Variants in GABBR2 observed in about 807,000 individuals in gnomAD.
GABBR2 encodes gamma-aminobutyric acid type B receptor subunit 2.
In GABBR2, 23 loss-of-function variants were observed where a neutral mutation model predicts 105.6. That is an observed-to-expected ratio of 0.22 (90% CI 0.16 to 0.31). The LOEUF is 0.31. Ranked by LOEUF, GABBR2 falls within the 10% of genes least tolerant of loss-of-function variation. GABBR2 has a pLI of 1.00. For missense variants in GABBR2, 734 were observed against 1,245.5 expected (o/e 0.59, Z 6.18); for synonymous variants, 478 against 499.7 (o/e 0.96, Z 0.58).
chr9:98,686,008 G>T (rs1378064151), intron 1 of GABBR2, among the ~76,000 whole-genome samples: 1 of 152,074 alleles, frequency 6.6e-6, no homozygotes, highest in African/African-American at 2.4e-5. Context: ...CTTTAGTCAG[G>T]CTCCTCTGAT....
At chr9:98,633,324 A>G (rs972141138) in intron 1 of GABBR2, among the ~76,000 whole-genome samples, 1 of 152,172 alleles carries the variant, frequency 6.6e-6, no homozygotes, top group East Asian at 1.9e-4. Context: ...AAAAAACTAT[A>G]AAGAATAAGA....
At chr9:98,513,858 A>G (rs188587629) in intron 3 of GABBR2, among the ~76,000 whole-genome samples, 1 of 152,216 alleles carries the variant, frequency 6.6e-6, no homozygotes, top group Non-Finnish European at 1.5e-5. Flanking sequence ...GCGATTCCTC[A>G]GGGATCTAGA....
intron 8 of GABBR2, among the ~76,000 whole-genome samples, chr9:98,400,902 G>T (rs139016724): frequency 5.5e-5 from 8 of 145,680 alleles, no homozygotes; most frequent in African/African-American, 1.4e-4. Context: ...AATAAAGGAG[G>T]GAAATAAGGG....
In GABBR2 at chr9:98,454,958, C is replaced by T. The variant is rs1482555300; in HGVS notation, c.1000-741G>A. On this transcript the variant is annotated intron_variant, in intron 6 of 18. Coordinates refer to ENST00000259455, the MANE Select transcript of GABBR2 (RefSeq NM_005458.8). This position sits in a 1 kb window ranked among gnomAD's most constrained non-coding sequence, Gnocchi z 4.6. ...GAGAATTCAGGGCACAGTCTGGAAGCTGGAAGGGGTGCAGGTCTGAGTGGG... is the reference window on the plus strand; with the variant it reads ...GAGAATTCAGGGCACAGTCTGGAAGTTGGAAGGGGTGCAGGTCTGAGTGGG... 6.6e-6 allele frequency among the ~76,000 whole-genome samples: 1 copy of T among 152,160 alleles called. No homozygotes were observed. Among genetic ancestry groups the T allele is most frequent in the Non-Finnish European group, 1.5e-5 (1 of 68,024 alleles).
intron 13 of GABBR2, among the ~76,000 whole-genome samples, chr9:98,324,950 A>G (rs1015040405): frequency 9.2e-5 from 14 of 152,186 alleles, no homozygotes; most frequent in Non-Finnish European, 1.9e-4. Flanking sequence ...ATACACACAC[A>G]CGCACACACA....
intron 4 of GABBR2, among the ~76,000 whole-genome samples, chr9:98,495,185 G>T (rs1034396507): frequency 6.6e-6 from 1 of 152,214 alleles, no homozygotes; most frequent in Non-Finnish European, 1.5e-5. Context: ...AATGTGACCC[G>T]CAGGCTCTGT....
rs866289970 is a variant in GABBR2, at chr9:98,534,384, C to T, written c.630+7489G>A. Among the ~76,000 whole-genome samples the T allele has an allele frequency of 3.3e-5, 5 of 152,280 alleles. No individual in the cohort carries two copies. In the East Asian group the frequency reaches 9.7e-4, roughly 29 times the overall value. ...AAGGCAGCCATGCTCATGGCAGGCA[C>T]AGAAACTCAGCCATGCAGTGGGGCT... On this transcript the variant is annotated intron_variant, in intron 3 of 18. Coordinates refer to ENST00000259455, the MANE Select transcript of GABBR2 (RefSeq NM_005458.8).
At chr9:98,529,605 C>T (rs1588213820) in intron 3 of GABBR2, among the ~76,000 whole-genome samples, 1 of 152,240 alleles carries the variant, frequency 6.6e-6, no homozygotes. Context: ...AGTTCATATC[C>T]ATATTACAAT....
At chr9:98,691,999 T>G (rs1168663852) in intron 1 of GABBR2, among the ~76,000 whole-genome samples, 1 of 152,222 alleles carries the variant, frequency 6.6e-6, no homozygotes, top group African/African-American at 2.4e-5. Flanking sequence ...GCTGAAGTCT[T>G]CAGCAGTCAC....
intron 15 of GABBR2, 99 bp from the exon 16 acceptor site, chr9:98,303,522 C>T (rs1241299396): frequency 5.4e-5 from 57 of 1,048,090 alleles, no homozygotes; most frequent in Non-Finnish European, 6.7e-5. Context: ...GCTCTGGAGG[C>T]GATAAGAGGC....
intron 3 of GABBR2, among the ~76,000 whole-genome samples, chr9:98,511,526 G>A (rs1336657380): frequency 1.3e-5 from 2 of 148,772 alleles, no homozygotes; most frequent in African/African-American, 2.5e-5. Context: ...TAATAAAGAA[G>A]AAAAGAGAGA....
At chr9:98,706,003 G>A (rs1445979102) in intron 1 of GABBR2, among the ~76,000 whole-genome samples, 1 of 152,000 alleles carries the variant, frequency 6.6e-6, no homozygotes, top group African/African-American at 2.4e-5. Context: ...TTGACCCTGG[G>A]AGGTGGAGGT....
At chr9:98,529,077 G>A (rs554562976) in intron 3 of GABBR2, among the ~76,000 whole-genome samples, 2 of 152,110 alleles carry the variant, frequency 1.3e-5, no homozygotes, top group African/African-American at 4.8e-5. Flanking sequence ...AACAGGAATT[G>A]GATAAAGATG....
chr9:98,652,489 G>T (rs933974473), intron 1 of GABBR2, among the ~76,000 whole-genome samples: 1 of 152,116 alleles, frequency 6.6e-6, no homozygotes, highest in Non-Finnish European at 1.5e-5. Context: ...ACTGACACCT[G>T]GATCAGTGGT....
chr9:98,398,605 T>C (rs1482989083), intron 8 of GABBR2, among the ~76,000 whole-genome samples: 1 of 152,126 alleles, frequency 6.6e-6, no homozygotes, highest in African/African-American at 2.4e-5. Flanking sequence ...CCAGATCACT[T>C]CGGCTCCTGC....
intron 1 of GABBR2, among the ~76,000 whole-genome samples, chr9:98,602,881 C>T (rs1322383734): frequency 6.6e-6 from 1 of 152,206 alleles, no homozygotes; most frequent in African/African-American, 2.4e-5. Flanking sequence ...CAGTATGCTA[C>T]AGGCAGGAGC....
At chr9:98,636,593 A>C (rs1829880485) in intron 1 of GABBR2, among the ~76,000 whole-genome samples, 1 of 146,660 alleles carries the variant, frequency 6.8e-6, no homozygotes, top group African/African-American at 2.6e-5. Flanking sequence ...TCCTGGGTTC[A>C]AGCAATTCTC....
intron 4 of GABBR2, among the ~76,000 whole-genome samples, chr9:98,488,350 C>T (rs1037241300): frequency 6.6e-6 from 1 of 152,140 alleles, no homozygotes; most frequent in Non-Finnish European, 1.5e-5. Context: ...GCTGACTAGT[C>T]GAGTAGCTTT....
intron 1 of GABBR2, among the ~76,000 whole-genome samples, chr9:98,616,276 G>A (rs1377781632): frequency 2.0e-5 from 3 of 152,128 alleles, no homozygotes; most frequent in Non-Finnish European, 2.9e-5. Context: ...CTCACCCTCC[G>A]GGTCAGGCAG....
Sources: allele counts gnomAD v4.1 joint callset (sites outside exome capture counted in the v4.1 genomes callset), GRCh38; gene constraint gnomAD v4.1.1; non-coding constraint Gnocchi (gnomAD v3.1); transcripts MANE v1.5; gene names NCBI Gene and HGNC (gene_info 2026-07-23, HGNC 2026-07-21).